Variants in PDZD2 observed in about 807,000 individuals in gnomAD.
PDZD2 encodes the protein PDZ domain-containing protein 2.
Under a neutral mutation model 220.7 loss-of-function variants are expected in PDZD2, and 90 were observed. The observed-to-expected ratio is 0.41, with a 90% CI of 0.34 to 0.49. PDZD2 has a LOEUF of 0.49. Among genes scored for constraint, PDZD2 ranks in the 20% least tolerant of loss-of-function variants. The pLI, the probability that PDZD2 is intolerant of heterozygous loss-of-function variation, is 0.28. For missense variants in PDZD2, 3,174 were observed against 3,608.5 expected (o/e 0.88, Z 3.08); for synonymous variants, 1,375 against 1,450.5 (o/e 0.95, Z 1.18).
chr5:32,072,101 C>T, intron 16 of PDZD2, 60 bp from the exon 17 acceptor site: 1 of 1,209,342 alleles, frequency 8.3e-7, no homozygotes, highest in South Asian at 1.3e-5. Flanking sequence ...GACGTAATAA[C>T]CCTTGAAAGT....
rs142867146 is a variant in PDZD2 at position 31,755,526 on chromosome 5, C to T, written c.-360-43363C>T. Among the ~76,000 whole-genome samples the T allele has an allele frequency of 6.6e-3, 1,006 of 152,176 alleles. 10 individuals carry two copies. Among genetic ancestry groups the T allele is most frequent in the African/African-American group, 0.023 (942 of 41,520 alleles). ...GCTTCTCTCTCTCCTCGAATGAGTA[C>T]GCTTTGTTCCTGGAGGCTCCAACTC... On this transcript the variant is annotated intron_variant, in intron 1 of 24. Coordinates refer to ENST00000438447, the MANE Select transcript of PDZD2 (RefSeq NM_178140.4).
chr5:32,009,592 A>C (rs1471689047), intron 5 of PDZD2, among the ~76,000 whole-genome samples: 12 of 151,982 alleles, frequency 7.9e-5, no homozygotes, highest in Admixed American at 7.9e-4. Context: ...TTAGCCAGGC[A>C]TGGTGGTGCA....
chr5:31,884,259 A>ACATACATCCATCCATCCATC (rs923352259), intron 2 of PDZD2, among the ~76,000 whole-genome samples: 2 of 151,680 alleles, frequency 1.3e-5, no homozygotes, highest in African/African-American at 4.8e-5. Flanking sequence ...ATACATACAT[A>ACATACATCCATCCATCCATC]CATCCTGGGT....
chr5:32,106,238 TGCAACCTAGATCCCTC>T (rs1160365381), intron 24 of PDZD2: 1 of 153,366 alleles, frequency 6.5e-6, no homozygotes, highest in African/African-American at 2.4e-5. Flanking sequence ...ATAAGGAACA[TGCAACCTAGATCCCTC>T]GCATATGCAG....
intron 1 of PDZD2, among the ~76,000 whole-genome samples, chr5:31,749,752 C>T (rs540336680): frequency 3.3e-5 from 5 of 152,274 alleles, no homozygotes; most frequent in East Asian, 1.9e-4. Flanking sequence ...TCTTCACCTT[C>T]CTGGTGCTCA....
chr5:31,810,263 A>AT (rs11418133), intron 2 of PDZD2, among the ~76,000 whole-genome samples: 31,454 of 132,670 alleles, frequency 0.24, 4,597 homozygotes, highest in East Asian at 0.7. Flanking sequence ...TTCTCCAGAG[A>AT]TTTTTTTTTT....
In PDZD2 at chr5:32,083,306, C is replaced by T. The variant is rs1742138743; in HGVS notation, c.3683-3825C>T. The stretch of plus-strand genomic sequence containing the variant: ...GAGCAGCCTGCTGGCATCAGTAAGA[C>T]TGCTCCTCAGCCCATGGGCCTGACC... On this transcript the variant is annotated intron_variant, in intron 19 of 24. Transcript: ENST00000438447. The surrounding 1 kb of genome is among the most constrained non-coding windows in gnomAD (Gnocchi z 4.1). 1 of 152,132 alleles carries T rather than the reference C, an allele frequency of 6.6e-6. No individual in the cohort carries two copies. Among genetic ancestry groups the T allele is most frequent in the Non-Finnish European group, 1.5e-5 (1 of 68,036 alleles). The allele number at this position is 152,132 out of a possible 1,614,324, so 9.4% of individuals were successfully genotyped here.
At chr5:31,679,669 G>A (rs574716946) in intron 1 of PDZD2, among the ~76,000 whole-genome samples, 8 of 152,144 alleles carry the variant, frequency 5.3e-5, no homozygotes, top group South Asian at 4.2e-4. Flanking sequence ...CACCACGCCC[G>A]GCTAAGTTTT....
At chr5:31,772,141 C>T (rs1752374172) in intron 1 of PDZD2, among the ~76,000 whole-genome samples, 2 of 152,120 alleles carry the variant, frequency 1.3e-5, no homozygotes, top group South Asian at 2.1e-4. Flanking sequence ...TTAACTTCCT[C>T]GTAGTTTGAG....
At chr5:31,765,729 G>T (rs139695063) in intron 1 of PDZD2, among the ~76,000 whole-genome samples, 5 of 152,216 alleles carry the variant, frequency 3.3e-5, no homozygotes, top group African/African-American at 4.8e-5. Flanking sequence ...TGTGTCCTGG[G>T]GCCCCATGAA....
At chr5:31,919,438 C>A (rs982266984) in intron 2 of PDZD2, among the ~76,000 whole-genome samples, 1 of 152,074 alleles carries the variant, frequency 6.6e-6, no homozygotes, top group African/African-American at 2.4e-5. Flanking sequence ...CCTCTGTCTC[C>A]CAGGTTCAAG....
intron 1 of PDZD2, among the ~76,000 whole-genome samples, chr5:31,661,935 A>G (rs941855308): frequency 6.6e-6 from 1 of 152,202 alleles, no homozygotes; most frequent in Admixed American, 6.5e-5. Context: ...GCTGTAGTCC[A>G]GACACGTCAT....
chr5:31,988,493 T>C (rs1423042485), intron 3 of PDZD2, among the ~76,000 whole-genome samples: 1 of 145,502 alleles, frequency 6.9e-6, no homozygotes, highest in Non-Finnish European at 1.5e-5. Context: ...CCTCCTGGCA[T>C]GTGGATGTAT....
At chr5:31,683,583 G>T (rs965892979) in intron 1 of PDZD2, among the ~76,000 whole-genome samples, 2 of 152,172 alleles carry the variant, frequency 1.3e-5, no homozygotes, top group African/African-American at 4.8e-5. Context: ...AAGAAGTTCT[G>T]TTTGCTAATT....
Position 32,048,528 on chromosome 5 carries a change from G to C in PDZD2, c.1520-11G>C. On this transcript the variant is annotated splice_polypyrimidine_tract_variant and intron_variant, in intron 7 of 24. Coordinates refer to ENST00000438447, the MANE Select transcript of PDZD2 (RefSeq NM_178140.4). The stretch of plus-strand genomic sequence containing the variant: ...CATATCAAACTATGTTTTCTCCTCT[G>C]TTTTCTCAAGGGGGTGTACACCGCC... 1 of 1,611,714 alleles carries C rather than the reference G, an allele frequency of 6.2e-7. No individual in the cohort carries two copies. The highest frequency in any genetic ancestry group is 2.2e-5 in the East Asian group (1 of 44,856).
At chr5:32,091,279 C>CTT (rs57254389) in intron 20 of PDZD2, 104 bp downstream of exon 20, 3,524 of 260,974 alleles carry the variant, frequency 0.014, 2 homozygotes, top group South Asian at 0.015. Context: ...TTCCCACTTA[C>CTT]TTTTTTTTTT....
chr5:31,978,674 C>A (rs373496053), intron 2 of PDZD2, among the ~76,000 whole-genome samples: 2 of 143,074 alleles, frequency 1.4e-5, no homozygotes, highest in South Asian at 2.2e-4. Context: ...AAGATTGCAC[C>A]GCTGCCCTCT....
intron 2 of PDZD2, among the ~76,000 whole-genome samples, chr5:31,855,530 GC>G (rs1758375314): frequency 6.6e-6 from 1 of 152,212 alleles, no homozygotes; most frequent in Non-Finnish European, 1.5e-5. Flanking sequence ...GAACCTTGGG[GC>G]CTGTGCCGTT....
intron 1 of PDZD2, among the ~76,000 whole-genome samples, chr5:31,674,242 A>G (rs146375322): frequency 0.01 from 1,547 of 152,324 alleles, 22 homozygotes; most frequent in African/African-American, 0.035. Flanking sequence ...AAAGACAGGT[A>G]CCGGTCAGCA....
Sources: allele counts gnomAD v4.1 joint callset (sites outside exome capture counted in the v4.1 genomes callset), GRCh38; gene constraint gnomAD v4.1.1; non-coding constraint Gnocchi (gnomAD v3.1); transcripts MANE v1.5; gene names NCBI Gene and HGNC (gene_info 2026-07-23, HGNC 2026-07-21).